The following PELI2 variants were observed in gnomAD, a reference collection of about 807,000 sequenced individuals.
PELI2 encodes E3 ubiquitin-protein ligase pellino homolog 2.
In PELI2, 23 loss-of-function variants were observed where a neutral mutation model predicts 42.3. The ratio of observed to expected loss-of-function variants is 0.54; its 90% confidence interval spans 0.39 to 0.77. The LOEUF (loss-of-function observed/expected upper bound fraction) is 0.77. PELI2 is among the 30% of genes least tolerant of loss of function. The probability of loss-of-function intolerance (pLI) is 0.00; values close to 1 mark genes in which losing one functional copy is unlikely to be tolerated. For synonymous variants in PELI2, 245 were observed against 212.2 expected (o/e 1.15, Z -1.34); for missense variants, 463 against 553.2 (o/e 0.84, Z 1.64).
chr14:56,181,001 A>AC (rs1446299450), intron 2 of PELI2, among the ~76,000 whole-genome samples: 1 of 151,786 alleles, frequency 6.6e-6, no homozygotes, highest in Non-Finnish European at 1.5e-5. Flanking sequence ...CTCGGTACCT[A>AC]CCCCCGAGTC....
At chr14:56,230,993 T>C (rs1887542691) in intron 2 of PELI2, among the ~76,000 whole-genome samples, 1 of 151,820 alleles carries the variant, frequency 6.6e-6, no homozygotes, top group Admixed American at 6.6e-5. Flanking sequence ...AACCAACAGA[T>C]CAAAAGAGAC....
chr14:56,275,791 G>T (rs1269348526), intron 2 of PELI2, among the ~76,000 whole-genome samples: 2 of 152,166 alleles, frequency 1.3e-5, no homozygotes, highest in African/African-American at 2.4e-5. Context: ...GACCCCTGGT[G>T]TACACAGCAA....
chr14:56,284,450 G>A (rs983931023), intron 3 of PELI2, among the ~76,000 whole-genome samples: 24 of 152,238 alleles, frequency 1.6e-4, no homozygotes, highest in Middle Eastern at 3.4e-3. Context: ...CCCTGCAGCC[G>A]GTGTTCAGGG....
chr14:56,234,394 A>G (rs1344089661), intron 2 of PELI2, among the ~76,000 whole-genome samples: 2 of 152,252 alleles, frequency 1.3e-5, no homozygotes, highest in African/African-American at 4.8e-5. Flanking sequence ...AATGTGGTAC[A>G]TATACACCAT....
At chr14:56,143,609 A>G (rs1018732516) in intron 1 of PELI2, among the ~76,000 whole-genome samples, 2 of 152,112 alleles carry the variant, frequency 1.3e-5, no homozygotes, top group African/African-American at 4.8e-5. Context: ...TCCTTCATTT[A>G]AATATTTATT....
At chr14:56,262,896 G>A (rs955137664) in intron 2 of PELI2, among the ~76,000 whole-genome samples, 2 of 152,046 alleles carry the variant, frequency 1.3e-5, no homozygotes, top group Admixed American at 6.6e-5. Flanking sequence ...AACCATTTTT[G>A]TGTATAATAA....
At chr14:56,166,842 C>G (rs949431889) in intron 1 of PELI2, among the ~76,000 whole-genome samples, 2 of 152,042 alleles carry the variant, frequency 1.3e-5, no homozygotes, top group African/African-American at 4.8e-5. Flanking sequence ...GGATGGAGTG[C>G]AGTGGCACGA....
chr14:56,251,380 C>A (rs913622025), intron 2 of PELI2, among the ~76,000 whole-genome samples: 1 of 152,222 alleles, frequency 6.6e-6, no homozygotes, highest in Admixed American at 6.5e-5. Flanking sequence ...TTTATCCCTG[C>A]AACAATCCTG....
intron 2 of PELI2, among the ~76,000 whole-genome samples, chr14:56,192,820 A>G (rs1885999859): frequency 6.6e-6 from 1 of 152,356 alleles, no homozygotes; most frequent in Middle Eastern, 3.4e-3. Context: ...AACAAATGTT[A>G]ACCAATATTA....
At chr14:56,287,229 A>C (rs1235640472) in intron 3 of PELI2, among the ~76,000 whole-genome samples, 1 of 152,212 alleles carries the variant, frequency 6.6e-6, no homozygotes, top group Non-Finnish European at 1.5e-5. Flanking sequence ...TTTTACTCCT[A>C]AACTTCACTG....
At chr14:56,181,842 G>A (rs1381815593) in intron 2 of PELI2, among the ~76,000 whole-genome samples, 8 of 50,184 alleles carry the variant, frequency 1.6e-4, no homozygotes, top group South Asian at 4.3e-4. Flanking sequence ...ATTATGTAAT[G>A]TGTGTGTGTG....
At chr14:56,252,370 A>T (rs1013238332) in intron 2 of PELI2, among the ~76,000 whole-genome samples, 1 of 152,252 alleles carries the variant, frequency 6.6e-6, no homozygotes, top group Non-Finnish European at 1.5e-5. Context: ...AAACTACTGT[A>T]ACCCATTCTG....
At chr14:56,233,152 TC>T (rs1887647725) in intron 2 of PELI2, among the ~76,000 whole-genome samples, 1 of 152,126 alleles carries the variant, frequency 6.6e-6, no homozygotes, top group Non-Finnish European at 1.5e-5. Context: ...ATAGGAAGAA[TC>T]AATATCGTGA....
intron 2 of PELI2, among the ~76,000 whole-genome samples, chr14:56,215,264 A>G (rs1156735531): frequency 2.0e-5 from 3 of 152,158 alleles, no homozygotes; most frequent in Non-Finnish European, 4.4e-5. Context: ...ATAGGTTTTA[A>G]TGTGTCTTGG....
At chr14:56,165,706 A>G (rs1884931145) in intron 1 of PELI2, among the ~76,000 whole-genome samples, 1 of 152,016 alleles carries the variant, frequency 6.6e-6, no homozygotes, top group Admixed American at 6.6e-5. Context: ...TTATTATTGT[A>G]TTGGGGCTTA....
At chr14:56,231,923 G>A (rs879128505) in intron 2 of PELI2, among the ~76,000 whole-genome samples, 1 of 151,832 alleles carries the variant, frequency 6.6e-6, no homozygotes, top group South Asian at 2.1e-4. Flanking sequence ...ATGATAAAGG[G>A]GATATCACCA....
At chr14:56,290,241 T>G in intron 4 of PELI2, 27 bp from the exon 5 acceptor site, 2 of 1,471,602 alleles carry the variant, frequency 1.4e-6, no homozygotes, top group Non-Finnish European at 1.8e-6. Context: ...TTAACCTACT[T>G]TTTCTGTTCT....
At chr14:56,222,370 G>A (rs1036129788) in intron 2 of PELI2, among the ~76,000 whole-genome samples, 89 of 152,224 alleles carry the variant, frequency 5.8e-4, no homozygotes, top group African/African-American at 1.8e-3. Context: ...TCCTTAAGTC[G>A]CTATTAAAAG....
At chr14:56,198,518 C>T (rs924456597) in intron 2 of PELI2, among the ~76,000 whole-genome samples, 1 of 152,146 alleles carries the variant, frequency 6.6e-6, no homozygotes, top group Non-Finnish European at 1.5e-5. Context: ...AAGGAAGGGA[C>T]TTAGATTTGA....
Sources: gnomAD v4.1 joint callset for allele counts (sites outside exome capture counted in the v4.1 genomes callset) on GRCh38, gnomAD v4.1.1 for gene constraint, MANE v1.5 for transcripts, NCBI Gene and HGNC (gene_info 2026-07-23, HGNC 2026-07-21) for gene names.